Variants in ATP9A observed in about 807,000 individuals in gnomAD.
The protein encoded by ATP9A is probable phospholipid-transporting ATPase IIA.
In ATP9A, 52 loss-of-function variants were observed where a neutral mutation model predicts 144.1. That is an observed-to-expected ratio of 0.36 (90% CI 0.29 to 0.45). ATP9A has a LOEUF of 0.45. ATP9A is among the 20% of genes least tolerant of loss of function. ATP9A has a pLI of 1.00. For missense variants in ATP9A, 947 were observed against 1,392.7 expected (o/e 0.68, Z 5.09); for synonymous variants, 582 against 557.4 (o/e 1.04, Z -0.62).
chr20:51,657,460 G>C (rs2077392134), intron 13 of ATP9A, among the ~76,000 whole-genome samples: 1 of 152,084 alleles, frequency 6.6e-6, no homozygotes, highest in South Asian at 2.1e-4. Flanking sequence ...ACAGAATGAG[G>C]ACCCCACTGC....
chr20:51,608,447 C>T, intron 25 of ATP9A, 71 bp downstream of exon 25: 1 of 970,474 alleles, frequency 1.0e-6, no homozygotes, highest in East Asian at 2.4e-5. Flanking sequence ...AGAAAAAAAG[C>T]AGGGAGGGAG....
intron 3 of ATP9A, among the ~76,000 whole-genome samples, chr20:51,724,385 C>G (rs1206890732): frequency 3.3e-5 from 5 of 152,144 alleles, no homozygotes; most frequent in African/African-American, 1.2e-4. Flanking sequence ...CACATGCCTG[C>G]TGCAGGGCCT....
chr20:51,663,647 A>G (rs1422540354), intron 13 of ATP9A, among the ~76,000 whole-genome samples: 4 of 152,062 alleles, frequency 2.6e-5, no homozygotes, highest in Non-Finnish European at 5.9e-5. Context: ...ACAAAAAATT[A>G]GCTGGGCATG....
intron 10 of ATP9A, 94 bp downstream of exon 10, chr20:51,676,038 A>G: frequency 1.1e-6 from 1 of 879,978 alleles, no homozygotes; most frequent in Middle Eastern, 2.2e-4. Flanking sequence ...TATAAATATC[A>G]CTCTTAGGTG....
At chr20:51,747,890 T>A (rs546942552) in intron 1 of ATP9A, among the ~76,000 whole-genome samples, 1 of 152,328 alleles carries the variant, frequency 6.6e-6, no homozygotes, top group Admixed American at 6.5e-5. Context: ...AAGGCAGGCA[T>A]GCCCCGGAAC....
At position 51,724,396 on chromosome 20, in the gene ATP9A, T is replaced by G. The variant is rs549849628; in HGVS notation, c.327+1423A>C. On this transcript the variant is annotated intron_variant, in intron 3 of 27. Transcript: ENST00000338821. ...TAAGCACATGCCTGCTGCAGGGCCT[T>G]TGCATCACTGCCCCCTGGAATAGTC... 1.4e-4 allele frequency among the ~76,000 whole-genome samples: 22 copies of G among 152,270 alleles called. No homozygotes were observed. In the South Asian group the frequency reaches 4.6e-3, roughly 32 times the overall value.
In ATP9A at chr20:51,690,809, T is replaced by G; in HGVS notation, c.653A>C (p.Gln218Pro). The stretch of plus-strand genomic sequence containing the variant: ...TTCTGCGTACACATACGATCGAATC[T>G]GAAGAAGGTCCTGTTCAACAGAAGG... ...QRLPTAADLL[Q>P]IRSYVYAEEP... The change falls in exon 8 of 28, where the codon CAG becomes CCG. Residue 218 changes from glutamine (Q) to proline (P), a missense_variant. By Grantham distance (76) the Gln-to-Pro change is moderately conservative. This residue lies in a region of ATP9A where 770 missense variants were observed against 1,047.9 expected (regional missense o/e 0.73). Transcript: ENST00000338821. The G allele has an allele frequency of 6.2e-7, 1 of 1,614,092 alleles. No homozygotes were observed. The highest frequency in any genetic ancestry group is 2.2e-5 in the East Asian group (1 of 44,878).
intron 4 of ATP9A, among the ~76,000 whole-genome samples, chr20:51,712,074 C>CTTT (rs74175572): frequency 1.9e-4 from 19 of 98,834 alleles, no homozygotes; most frequent in African/African-American, 7.1e-4. Flanking sequence ...CCAGGCTGGT[C>CTTT]TTTTTTTTTT....
chr20:51,613,710 C>G lies in ATP9A; in HGVS notation c.2538G>C (p.Val846=). 1 of 1,614,120 alleles carries G rather than the reference C, an allele frequency of 6.2e-7. No homozygotes were observed. ...YKRSAALSQF[V]IHRSLCISTM... Reference sequence around the variant, plus strand: ...TGCTGATACAGAGGCTCCTGTGAATCACGAACTGGCTGAGGGCGGCTGACC... The same window carrying G: ...TGCTGATACAGAGGCTCCTGTGAATGACGAACTGGCTGAGGGCGGCTGACC... Residue 846 remains valine (V), a synonymous_variant, in exon 23 of 28, where the codon GTG becomes GTC. Coordinates refer to ENST00000338821, the MANE Select transcript of ATP9A (RefSeq NM_006045.3).
intron 21 of ATP9A, among the ~76,000 whole-genome samples, chr20:51,618,169 G>A (rs2077211144): frequency 1.3e-5 from 2 of 151,470 alleles, no homozygotes; most frequent in South Asian, 4.2e-4. Context: ...GCAATGAGCT[G>A]AGATTGTGTC....
intron 1 of ATP9A, among the ~76,000 whole-genome samples, chr20:51,763,609 G>A (rs2077891888): frequency 6.6e-6 from 1 of 152,020 alleles, no homozygotes; most frequent in Non-Finnish European, 1.5e-5. Context: ...CACCGCACCT[G>A]GCCAGTTTAC....
At chr20:51,690,930 C>A in intron 7 of ATP9A, 111 bp from the exon 8 acceptor site, 2 of 856,582 alleles carry the variant, frequency 2.3e-6, no homozygotes, top group Non-Finnish European at 3.8e-6. Context: ...CAGCAAATGG[C>A]CCCTCAAAAT....
rs189719757 is a variant in ATP9A at position 51,696,075 on chromosome 20, T to C, written c.547+18A>G. The C allele has an allele frequency of 1.2e-6, 2 of 1,606,666 alleles. No homozygotes were observed. The highest frequency in any genetic ancestry group is 2.2e-5 in the East Asian group (1 of 44,852). ...GAAAGGTTAATGGTTATTTTCCAAA[T>C]TGATCTCAGATGTTTACCGTTTTTT... On this transcript the variant is annotated intron_variant, in intron 6 of 27. Coordinates refer to ENST00000338821, the MANE Select transcript of ATP9A (RefSeq NM_006045.3).
At chr20:51,664,360 G>A (rs1287068230) in intron 13 of ATP9A, among the ~76,000 whole-genome samples, 2 of 152,116 alleles carry the variant, frequency 1.3e-5, no homozygotes, top group African/African-American at 4.8e-5. Flanking sequence ...GCTGAGGTGG[G>A]CTAATTGCTG....
At chr20:51,632,236 C>A (rs1601069108) in intron 15 of ATP9A, among the ~76,000 whole-genome samples, 1 of 152,116 alleles carries the variant, frequency 6.6e-6, no homozygotes, top group Non-Finnish European at 1.5e-5. Flanking sequence ...TGTGCACCAC[C>A]ATGCCCAGCT....
At chr20:51,656,035 A>C (rs1400642756) in intron 14 of ATP9A, among the ~76,000 whole-genome samples, 1 of 152,188 alleles carries the variant, frequency 6.6e-6, no homozygotes, top group African/African-American at 2.4e-5. Context: ...ACAAAAGGCC[A>C]CCTATTGTAT....
intron 1 of ATP9A, among the ~76,000 whole-genome samples, chr20:51,768,010 G>C (rs1319982602): frequency 6.6e-6 from 1 of 152,204 alleles, no homozygotes; most frequent in African/African-American, 2.4e-5. Flanking sequence ...AATTCCGCGA[G>C]TGTGTAAACA....
At chr20:51,610,002 C>CT in intron 24 of ATP9A, 99 bp downstream of exon 24, 1 of 1,102,376 alleles carries the variant, frequency 9.1e-7, no homozygotes. Context: ...TCCAATGTGG[C>CT]TTGGGAACCC....
chr20:51,671,735 C>G (rs923289699), intron 11 of ATP9A, among the ~76,000 whole-genome samples: 8 of 152,104 alleles, frequency 5.3e-5, no homozygotes, highest in Non-Finnish European at 1.0e-4. Flanking sequence ...ACGCCCCATC[C>G]CCCACCAACC....
Sources: allele counts gnomAD v4.1 joint callset (sites outside exome capture counted in the v4.1 genomes callset), GRCh38; gene constraint gnomAD v4.1.1; regional missense constraint gnomAD v4.1.1; transcripts MANE v1.5; gene names NCBI Gene and HGNC (gene_info 2026-07-23, HGNC 2026-07-21).